The following FTO variants were observed in gnomAD, a reference collection of about 807,000 sequenced individuals.
FTO encodes alpha-ketoglutarate-dependent dioxygenase FTO.
A neutral mutation model predicts 63.9 loss-of-function variants in FTO; 47 were observed. The ratio of observed to expected loss-of-function variants is 0.74; its 90% CI spans 0.58 to 0.94. The LOEUF (loss-of-function observed/expected upper bound fraction) is 0.94, where lower values mean the gene tolerates loss of function less well. Ranked by LOEUF, FTO falls within the 40% of genes least tolerant of loss-of-function variation. The pLI, the probability that FTO is intolerant of heterozygous loss-of-function variation, is 0.00. For missense variants in FTO, 562 were observed against 618.1 expected (o/e 0.91, Z 0.96); for synonymous variants, 207 against 224.4 (o/e 0.92, Z 0.69).
At position 54,121,380 on chromosome 16, in the gene FTO, A is replaced by G. The variant is rs2087004058; in HGVS notation, c.*9465A>G. ...TGCCAACATCTCTCTGTACAGAAAC[A>G]TGGAAAAAGAGCGATGCTATTAAGG... On this transcript the variant is annotated 3_prime_UTR_variant, in exon 9 of 9. Transcript: ENST00000471389. The G allele has an allele frequency of 6.6e-6, 1 of 152,248 alleles. No homozygotes were observed. The highest frequency in any genetic ancestry group is 2.4e-5 in the African/African-American group (1 of 41,450). 9.4% of individuals were successfully genotyped at this position (152,248 alleles called of 1,614,324 possible).
chr16:54,093,342 G>A (rs1173662975), intron 8 of FTO, among the ~76,000 whole-genome samples: 1 of 152,220 alleles, frequency 6.6e-6, no homozygotes, highest in African/African-American at 2.4e-5. Flanking sequence ...TGGAGCCTCC[G>A]TAAAGTATTC....
chr16:54,022,530 A>G (rs188423298), intron 8 of FTO, among the ~76,000 whole-genome samples: 75 of 152,286 alleles, frequency 4.9e-4, no homozygotes, highest in African/African-American at 1.7e-3. Flanking sequence ...CCTTTGCTTT[A>G]TCATAAATTA....
intron 8 of FTO, among the ~76,000 whole-genome samples, chr16:54,092,350 T>C (rs757196256): frequency 6.6e-6 from 1 of 152,106 alleles, no homozygotes; most frequent in Non-Finnish European, 1.5e-5. Flanking sequence ...ACTAAGGATC[T>C]CAAGACCTGG....
At chr16:53,809,389 A>G (rs542612279) in intron 1 of FTO, among the ~76,000 whole-genome samples, 7 of 152,354 alleles carry the variant, frequency 4.6e-5, no homozygotes, top group Admixed American at 1.3e-4. Context: ...ACATTATGCA[A>G]ATGGATACTT....
intron 1 of FTO, among the ~76,000 whole-genome samples, chr16:53,718,310 T>C (rs1387763002): frequency 6.6e-6 from 1 of 152,118 alleles, no homozygotes; most frequent in Non-Finnish European, 1.5e-5. Context: ...TATTTAAAAA[T>C]TGTGTTTTTT....
chr16:53,749,650 A>T (rs2076736157), intron 1 of FTO, among the ~76,000 whole-genome samples: 1 of 151,978 alleles, frequency 6.6e-6, no homozygotes, highest in Non-Finnish European at 1.5e-5. Context: ...CGTGTTAGCC[A>T]GGATGGTCTC....
intron 3 of FTO, among the ~76,000 whole-genome samples, chr16:53,839,107 G>T (rs1488247847): frequency 6.6e-6 from 1 of 152,102 alleles, no homozygotes; most frequent in Non-Finnish European, 1.5e-5. Flanking sequence ...AAAACTAGCT[G>T]GCATAAAACA....
At chr16:53,884,289 T>G (rs561007422) in intron 6 of FTO, among the ~76,000 whole-genome samples, 1 of 152,330 alleles carries the variant, frequency 6.6e-6, no homozygotes, top group Admixed American at 6.5e-5. Context: ...TTAAAGATAG[T>G]AAAATGTGGA....
chr16:53,951,512 T>A (rs1160565853), intron 8 of FTO, among the ~76,000 whole-genome samples: 2 of 137,878 alleles, frequency 1.5e-5, no homozygotes, highest in Admixed American at 1.6e-4. Flanking sequence ...AGTCCTGAAG[T>A]AGTGCGCTGT....
intron 8 of FTO, among the ~76,000 whole-genome samples, chr16:54,005,601 G>A (rs1243187668): frequency 6.6e-6 from 1 of 152,050 alleles, no homozygotes; most frequent in East Asian, 1.9e-4. Flanking sequence ...AACCTGAGAA[G>A]AATAGAAGTT....
chr16:53,816,670 A>C (rs2078700630), intron 2 of FTO, among the ~76,000 whole-genome samples: 1 of 152,004 alleles, frequency 6.6e-6, no homozygotes, highest in African/African-American at 2.4e-5. Context: ...TTCTGCTCTG[A>C]TGTCACTGTA....
intron 8 of FTO, chr16:53,999,854 T>C (rs2084028071): frequency 6.6e-6 from 1 of 152,226 alleles, no homozygotes; most frequent in Non-Finnish European, 1.5e-5. Context: ...CCAGTACAGT[T>C]GGTTCTTCGC....
intron 7 of FTO, among the ~76,000 whole-genome samples, chr16:53,895,383 C>T (rs923600351): frequency 2.6e-5 from 4 of 152,068 alleles, no homozygotes; most frequent in African/African-American, 4.8e-5. Context: ...CAGTGTGCTT[C>T]GAAAGCACAA....
intron 8 of FTO, among the ~76,000 whole-genome samples, chr16:53,960,322 G>A (rs1383918421): frequency 1.3e-5 from 2 of 152,198 alleles, no homozygotes; most frequent in Non-Finnish European, 2.9e-5. Context: ...AGCTGTGAGT[G>A]TATCCGTGTA....
At chr16:53,802,402 C>A (rs2078251726) in intron 1 of FTO, among the ~76,000 whole-genome samples, 1 of 151,814 alleles carries the variant, frequency 6.6e-6, no homozygotes, top group Non-Finnish European at 1.5e-5. Context: ...TTTTATCTGA[C>A]ATTGTTTGAA....
chr16:54,031,597 A>G (rs901280600), intron 8 of FTO, among the ~76,000 whole-genome samples: 2 of 152,184 alleles, frequency 1.3e-5, no homozygotes, highest in Admixed American at 6.5e-5. Flanking sequence ...TCGTTGGCTC[A>G]TCAGAATGCA....
At chr16:53,806,873 T>A (rs933367290) in intron 1 of FTO, among the ~76,000 whole-genome samples, 3 of 152,190 alleles carry the variant, frequency 2.0e-5, no homozygotes, top group Non-Finnish European at 4.4e-5. Context: ...TGAAAGGAGT[T>A]GACTGGTTAC....
intron 8 of FTO, among the ~76,000 whole-genome samples, chr16:53,955,205 A>T (rs2082900771): frequency 6.6e-6 from 1 of 152,194 alleles, no homozygotes; most frequent in Non-Finnish European, 1.5e-5. Flanking sequence ...ACCAAGAGCT[A>T]TTCATTTATT....
intron 6 of FTO, among the ~76,000 whole-genome samples, chr16:53,881,646 C>G (rs1055125379): frequency 5.3e-5 from 8 of 152,218 alleles, no homozygotes; most frequent in Non-Finnish European, 1.0e-4. Context: ...ACCAGCAGGT[C>G]TGGATCCCAT....
Sources: gnomAD v4.1 joint callset for allele counts (sites outside exome capture counted in the v4.1 genomes callset) on GRCh38, gnomAD v4.1.1 for gene constraint, MANE v1.5 for transcripts, NCBI Gene and HGNC (gene_info 2026-07-23, HGNC 2026-07-21) for gene names.